Variants in GRID2 observed in about 807,000 individuals in gnomAD.
The protein encoded by GRID2 is glutamate receptor ionotropic, delta-2.
GRID2 carries 33 observed loss-of-function variants against 114.8 expected under a neutral mutation model. The ratio of observed to expected loss-of-function variants is 0.29; its 90% CI spans 0.22 to 0.38. The LOEUF (loss-of-function observed/expected upper bound fraction) is 0.38. Among genes scored for constraint, GRID2 ranks in the 10% least tolerant of loss-of-function variants. The pLI is 1.00. For missense variants in GRID2, 1,184 were observed against 1,257.7 expected, an observed-to-expected ratio of 0.94 and a Z score of 0.89; for synonymous variants, 505 against 449.9, an observed-to-expected ratio of 1.12 and a Z score of -1.55.
At chr4:93,581,040 C>A (rs1736928951) in intron 13 of GRID2, among the ~76,000 whole-genome samples, 1 of 151,912 alleles carries the variant, frequency 6.6e-6, no homozygotes, top group South Asian at 2.1e-4. Flanking sequence ...TGGTTTGCTG[C>A]ACCCATCAAC....
chr4:93,526,254 T>A (rs1031292454), intron 13 of GRID2, among the ~76,000 whole-genome samples: 5 of 152,164 alleles, frequency 3.3e-5, no homozygotes, highest in Non-Finnish European at 2.9e-5. Context: ...CATTCTATTC[T>A]GCTGCCTTGT....
chr4:93,330,740 G>A (rs1758337360), intron 8 of GRID2, among the ~76,000 whole-genome samples: 2 of 152,004 alleles, frequency 1.3e-5, no homozygotes, highest in African/African-American at 2.4e-5. Flanking sequence ...CCTATAGGAA[G>A]GCCATTTACT....
chr4:92,818,999 G>C (rs1011318753), intron 2 of GRID2, among the ~76,000 whole-genome samples: 3 of 151,974 alleles, frequency 2.0e-5, no homozygotes, highest in African/African-American at 7.2e-5. Flanking sequence ...CATTCTCACT[G>C]TATATACCTG....
In GRID2 at chr4:92,304,456, A is replaced by T. The variant is rs1725272448; in HGVS notation, c.-201A>T. ...TCCAAGTGACACGGCTTTGCGAAGG[A>T]GGTTTCCTCAGGCTGGGCTCTTTCT... On this transcript the variant is annotated 5_prime_UTR_variant, in exon 1 of 16. Coordinates refer to ENST00000282020, the MANE Select transcript of GRID2 (RefSeq NM_001510.4). The T allele has an allele frequency of 1.7e-6, 1 of 602,682 alleles. No individual in the cohort carries two copies. The allele number at this position is 602,682 out of a possible 1,614,324, so 37.3% of individuals were successfully genotyped here. A position where few individuals can be genotyped will look rare whatever the true frequency, so the allele number is the denominator to read the frequency against.
chr4:92,475,965 T>G (rs1722289712), intron 1 of GRID2, among the ~76,000 whole-genome samples: 1 of 151,900 alleles, frequency 6.6e-6, no homozygotes, highest in African/African-American at 2.4e-5. Context: ...CTTAATCTTC[T>G]TTGGATAGTT....
intron 1 of GRID2, among the ~76,000 whole-genome samples, chr4:92,553,684 C>CTG (rs1726708526): frequency 1.3e-5 from 2 of 151,068 alleles, no homozygotes; most frequent in South Asian, 4.1e-4. Flanking sequence ...GACAGTCTCT[C>CTG]TCTGTCGCCC....
At chr4:92,541,574 A>T (rs2149163178) in intron 1 of GRID2, among the ~76,000 whole-genome samples, 1 of 152,226 alleles carries the variant, frequency 6.6e-6, no homozygotes, top group Admixed American at 6.5e-5. Flanking sequence ...AGTACTATTT[A>T]TCAAAATGAG....
intron 2 of GRID2, among the ~76,000 whole-genome samples, chr4:92,683,978 T>A (rs1733778967): frequency 6.6e-6 from 1 of 151,972 alleles, no homozygotes. Context: ...TAGGCTGTGA[T>A]TAACTTAGCC....
intron 11 of GRID2, 152 bp from the exon 12 acceptor site, chr4:93,490,487 T>C: frequency 1.9e-6 from 1 of 526,684 alleles, no homozygotes. Flanking sequence ...GAGAATTAAA[T>C]ATGGAGTGAT....
chr4:93,787,420 T>A (rs539208111), intron 1 of GRID2, among the ~76,000 whole-genome samples: 47 of 152,112 alleles, frequency 3.1e-4, no homozygotes, highest in Non-Finnish European at 5.7e-4. Flanking sequence ...AGATCAAGGA[T>A]AATAAGCAAG....
At chr4:93,103,912 A>AT (rs1388883648) in intron 3 of GRID2, among the ~76,000 whole-genome samples, 1,611 of 133,242 alleles carry the variant, frequency 0.012, 11 homozygotes, top group Middle Eastern at 0.037. Context: ...AAAAATCTTC[A>AT]TTTTTTTTTT....
At chr4:92,337,053 T>C (rs1014530753) in intron 1 of GRID2, among the ~76,000 whole-genome samples, 3 of 144,696 alleles carry the variant, frequency 2.1e-5, no homozygotes, top group Non-Finnish European at 4.5e-5. Flanking sequence ...CTTTATATAA[T>C]ATGTCTCTCA....
At chr4:92,993,193 A>G (rs1226098348) in intron 2 of GRID2, among the ~76,000 whole-genome samples, 3 of 151,106 alleles carry the variant, frequency 2.0e-5, no homozygotes, top group Admixed American at 2.0e-4. Flanking sequence ...CATTTACAAT[A>G]ATAATAATAA....
intron 4 of GRID2, among the ~76,000 whole-genome samples, chr4:93,128,027 CAAAAAAAAAA>C (rs1008311457): frequency 2.0e-4 from 4 of 20,344 alleles, no homozygotes; most frequent in Non-Finnish European, 3.9e-4. Context: ...TCCCCCGCAA[CAAAAAAAAAA>C]AAAAAAAAAA....
intron 2 of GRID2, among the ~76,000 whole-genome samples, chr4:92,601,000 C>T (rs182348050): frequency 6.6e-6 from 1 of 152,284 alleles, no homozygotes; most frequent in East Asian, 1.9e-4. Flanking sequence ...GTCTGTTGAT[C>T]CATGGAGACC....
chr4:92,377,647 A>T (rs1457633547), intron 1 of GRID2, among the ~76,000 whole-genome samples: 1 of 152,134 alleles, frequency 6.6e-6, no homozygotes, highest in Non-Finnish European at 1.5e-5. Context: ...AAGAAAAAGA[A>T]GTTTAATGGA....
chr4:93,025,406 G>A (rs2149251005), intron 2 of GRID2, among the ~76,000 whole-genome samples: 1 of 151,846 alleles, frequency 6.6e-6, no homozygotes, highest in East Asian at 1.9e-4. Context: ...AGATTAGCCA[G>A]TAATGTAGGA....
intron 8 of GRID2, among the ~76,000 whole-genome samples, chr4:93,280,511 T>C (rs1276562066): frequency 6.6e-6 from 1 of 151,998 alleles, no homozygotes; most frequent in East Asian, 1.9e-4. Flanking sequence ...TTAAATAAAT[T>C]TCCCCAGGAT....
At chr4:93,146,213 A>G (rs1736211164) in intron 4 of GRID2, among the ~76,000 whole-genome samples, 1 of 152,176 alleles carries the variant, frequency 6.6e-6, no homozygotes, top group African/African-American at 2.4e-5. Flanking sequence ...CTTGTAATTA[A>G]TTGCAGACTA....
Sources: gnomAD v4.1 joint callset for allele counts (sites outside exome capture counted in the v4.1 genomes callset) on GRCh38, gnomAD v4.1.1 for gene constraint, MANE v1.5 for transcripts, NCBI Gene and HGNC (gene_info 2026-07-23, HGNC 2026-07-21) for gene names.